PSD3: variants seen among roughly 807,000 people sequenced by gnomAD.
The protein encoded by PSD3 is PH and SEC7 domain-containing protein 3.
In PSD3, 49 loss-of-function variants were observed where a neutral mutation model predicts 105.5. The ratio of observed to expected loss-of-function variants is 0.46; its 90% confidence interval spans 0.37 to 0.59. The LOEUF is 0.59. Ranked by LOEUF, PSD3 falls within the 20% of genes least tolerant of loss-of-function variation. PSD3 has a pLI of 0.00. For synonymous variants in PSD3, 557 were observed against 457.8 expected (o/e 1.22, Z -2.77); for missense variants, 1,561 against 1,263.8 (o/e 1.24, Z -3.57).
chr8:18,867,484 T>C (rs981864052), intron 4 of PSD3, among the ~76,000 whole-genome samples, 190 bp downstream of exon 4: 2 of 152,198 alleles, frequency 1.3e-5, no homozygotes, highest in East Asian at 3.9e-4. Context: ...GATCACAGTG[T>C]GCCAATGTGA....
intron 8 of PSD3, among the ~76,000 whole-genome samples, chr8:18,788,431 G>T (rs1464602254): frequency 1.3e-5 from 2 of 152,140 alleles, no homozygotes; most frequent in Non-Finnish European, 2.9e-5. Flanking sequence ...TGGCAATCTG[G>T]GGAATGTAAC....
chr8:19,010,905 G>C (rs1826921674), intron 1 of PSD3, among the ~76,000 whole-genome samples: 1 of 151,702 alleles, frequency 6.6e-6, no homozygotes, highest in Non-Finnish European at 1.5e-5. Context: ...GCTTGGCCCA[G>C]ACGGTCCGGG....
intron 1 of PSD3, among the ~76,000 whole-genome samples, chr8:18,957,302 C>T (rs867632132): frequency 2.0e-5 from 3 of 150,132 alleles, no homozygotes; most frequent in Middle Eastern, 3.5e-3. Flanking sequence ...ACCAGGGAGG[C>T]GGAGGTTATG....
intron 4 of PSD3, among the ~76,000 whole-genome samples, chr8:18,856,892 A>C (rs765667777): frequency 6.6e-6 from 1 of 152,232 alleles, no homozygotes; most frequent in Non-Finnish European, 1.5e-5. Flanking sequence ...GTACTCATTA[A>C]GTGCCAGTAA....
chr8:18,742,478 A>C (rs1360449987), intron 9 of PSD3, among the ~76,000 whole-genome samples: 1 of 152,228 alleles, frequency 6.6e-6, no homozygotes, highest in Admixed American at 6.5e-5. Context: ...AACTGATGTT[A>C]TATCCAAAAT....
chr8:18,872,927 G>A (rs963057028), intron 2 of PSD3, among the ~76,000 whole-genome samples, 194 bp from the exon 3 acceptor site: 4 of 152,100 alleles, frequency 2.6e-5, no homozygotes, highest in Non-Finnish European at 4.4e-5. Flanking sequence ...CAGCCTACGC[G>A]AGTATAACCA....
At chr8:19,063,482 G>A (rs556431120) in intron 1 of PSD3, among the ~76,000 whole-genome samples, 25 of 152,226 alleles carry the variant, frequency 1.6e-4, no homozygotes, top group African/African-American at 6.0e-4. Flanking sequence ...CGCCTATCAC[G>A]GACTGGCCCT....
chr8:18,556,510 C>G (rs1437590462), intron 14 of PSD3, among the ~76,000 whole-genome samples, 158 bp from the exon 15 acceptor site: 1 of 152,236 alleles, frequency 6.6e-6, no homozygotes, highest in Non-Finnish European at 1.5e-5. Flanking sequence ...TCTCACGCCC[C>G]TGTCCACATA....
At chr8:18,718,656 C>T (rs1275812619) in intron 9 of PSD3, among the ~76,000 whole-genome samples, 3 of 152,144 alleles carry the variant, frequency 2.0e-5, no homozygotes, top group South Asian at 2.1e-4. Context: ...TAGCACTCTC[C>T]TAAGACCCGA....
Position 18,529,077 on chromosome 8 carries a change from G to A in PSD3, c.*6666C>T, listed in dbSNP as rs1235251967. The stretch of plus-strand genomic sequence containing the variant: ...TACTCCTCTCTCAAAGGAATGATCT[G>A]CAGAGCAAGCAGCTCTGCCACCTTG... On this transcript the variant is annotated 3_prime_UTR_variant, in exon 16 of 16. Transcript: ENST00000327040. 6.6e-6 allele frequency: 1 copy of A among 152,180 alleles called. No homozygotes were observed. Among genetic ancestry groups the A allele is most frequent in the Non-Finnish European group, 1.5e-5 (1 of 68,048 alleles). The allele number at this position is 152,180 out of a possible 1,614,324, so 9.4% of individuals were successfully genotyped here.
intron 1 of PSD3, among the ~76,000 whole-genome samples, chr8:18,990,104 A>C (rs955901571): frequency 6.6e-6 from 1 of 152,222 alleles, no homozygotes; most frequent in African/African-American, 2.4e-5. Flanking sequence ...ATCCCTGTCC[A>C]AGAAATCTTC....
At chr8:18,715,425 A>G (rs1802522621) in intron 9 of PSD3, among the ~76,000 whole-genome samples, 1 of 152,196 alleles carries the variant, frequency 6.6e-6, no homozygotes, top group Non-Finnish European at 1.5e-5. Context: ...CAACACTTTC[A>G]GGAAAGCCAA....
chr8:18,678,667 C>T lies in PSD3; in HGVS notation c.2173-22982G>A, dbSNP rs1440089898. Among the ~76,000 whole-genome samples the T allele has an allele frequency of 5.5e-5, 8 of 145,502 alleles. No individual in the cohort carries two copies. The East Asian group carries it at 6.3e-4, about 11-fold the overall frequency. Reference sequence around the variant, plus strand: ...TCACTATTAAAAATACAAAATTAGCCGGACGTGGTGGCGCATGCCTGTAAT... The same window carrying T: ...TCACTATTAAAAATACAAAATTAGCTGGACGTGGTGGCGCATGCCTGTAAT... On this transcript the variant is annotated intron_variant, in intron 9 of 15. Coordinates refer to ENST00000327040, the MANE Select transcript of PSD3 (RefSeq NM_015310.4).
At chr8:18,858,836 C>T (rs375262304) in intron 4 of PSD3, among the ~76,000 whole-genome samples, 3 of 152,334 alleles carry the variant, frequency 2.0e-5, no homozygotes, top group East Asian at 1.9e-4. Context: ...ATTTAATCTA[C>T]TGGAAGTTTC....
intron 4 of PSD3, among the ~76,000 whole-genome samples, chr8:18,860,020 A>G (rs1323558717): frequency 6.6e-6 from 1 of 152,172 alleles, no homozygotes; most frequent in African/African-American, 2.4e-5. Context: ...TTTCTCACCA[A>G]GTTTAATCCT....
chr8:18,867,941 T>C lies in PSD3; in HGVS notation c.1367A>G (p.Tyr456Cys). The C allele has an allele frequency of 6.2e-7, 1 of 1,614,160 alleles. No individual in the cohort carries two copies. Among genetic ancestry groups the C allele is most frequent in the Non-Finnish European group, 8.5e-7 (1 of 1,180,014 alleles). Residue 456 changes from tyrosine to cysteine, a missense_variant, in exon 4 of 16, where the codon TAC (tyrosine) becomes TGC (cysteine). Physicochemically the swap from Tyr to Cys is radical, Grantham distance 194. Coordinates refer to ENST00000327040, the MANE Select transcript of PSD3 (RefSeq NM_015310.4). ...TAATGTCTCCAGGGACTCTGCACTG[T>C]AGTATAAAGAAGTGTTGTCCAAAAT... ...ETILDNTSLY[Y>C]SAESLETLYS...
intron 14 of PSD3, among the ~76,000 whole-genome samples, chr8:18,568,975 C>A (rs1229131637): frequency 2.0e-5 from 3 of 146,652 alleles, no homozygotes; most frequent in Non-Finnish European, 4.5e-5. Flanking sequence ...TTTGTTCTTG[C>A]GATAGCTTAC....
At chr8:19,002,791 T>G (rs74394967) in intron 1 of PSD3, among the ~76,000 whole-genome samples, 16,202 of 152,132 alleles carry the variant, frequency 0.11, 1,224 homozygotes, top group Non-Finnish European at 0.16. Context: ...TGAGGTTGAT[T>G]GAATGCATGA....
At chr8:18,920,810 G>T (rs1365310282) in intron 2 of PSD3, among the ~76,000 whole-genome samples, 3 of 151,962 alleles carry the variant, frequency 2.0e-5, no homozygotes, top group Non-Finnish European at 2.9e-5. Context: ...TAGCCACCTA[G>T]CCCTCCATCC....
Sources: allele counts gnomAD v4.1 joint callset (sites outside exome capture counted in the v4.1 genomes callset), GRCh38; gene constraint gnomAD v4.1.1; transcripts MANE v1.5; gene names NCBI Gene and HGNC (gene_info 2026-07-23, HGNC 2026-07-21).